CTNNA3: variants seen among roughly 807,000 people sequenced by gnomAD.
CTNNA3 encodes catenin alpha-3.
CTNNA3 carries 76 observed loss-of-function variants against 95.7 expected under a neutral mutation model. The observed-to-expected ratio is 0.79, with a 90% confidence interval of 0.66 to 0.96. The LOEUF (loss-of-function observed/expected upper bound fraction) is 0.96, where lower values mean the gene tolerates loss of function less well. Among genes scored for constraint, CTNNA3 ranks in the 40% least tolerant of loss-of-function variants. CTNNA3 has a pLI of 0.00. For synonymous variants in CTNNA3, 431 were observed against 374.4 expected (o/e 1.15, Z -1.74); for missense variants, 1,191 against 1,089.8 (o/e 1.09, Z -1.31).
At chr10:66,992,665 T>C (rs1258893039) in intron 7 of CTNNA3, among the ~76,000 whole-genome samples, 4 of 152,162 alleles carry the variant, frequency 2.6e-5, no homozygotes, top group Admixed American at 6.5e-5. Flanking sequence ...TTAAATGTTC[T>C]TATCACAGTT....
chr10:67,702,539 C>T (rs961467578), intron 1 of CTNNA3, among the ~76,000 whole-genome samples: 15 of 152,184 alleles, frequency 9.9e-5, no homozygotes, highest in East Asian at 5.8e-4. Context: ...GGGTACATAA[C>T]GAAATGAAGG....
intron 7 of CTNNA3, among the ~76,000 whole-genome samples, chr10:67,110,076 A>G (rs997506327): frequency 6.6e-6 from 1 of 152,164 alleles, no homozygotes; most frequent in Non-Finnish European, 1.5e-5. Flanking sequence ...TTATTTCTCA[A>G]AAGTATAAAT....
chr10:65,988,422 T>C (rs1344084524), intron 16 of CTNNA3, among the ~76,000 whole-genome samples: 1 of 152,162 alleles, frequency 6.6e-6, no homozygotes, highest in African/African-American at 2.4e-5. Context: ...TTACAATTGA[T>C]TAAAATTAAT....
chr10:67,737,489 C>T (rs977115236), intron 1 of CTNNA3, among the ~76,000 whole-genome samples: 40 of 151,930 alleles, frequency 2.6e-4, no homozygotes, highest in Non-Finnish European at 1.2e-4. Context: ...AGGAAAGAAA[C>T]AATAAAGATC....
At chr10:66,427,177 A>G (rs2093249894) in intron 11 of CTNNA3, among the ~76,000 whole-genome samples, 1 of 151,984 alleles carries the variant, frequency 6.6e-6, no homozygotes. Flanking sequence ...ATATCCCTCC[A>G]TAACTGAGAA....
At chr10:67,071,628 T>G (rs1856470751) in intron 7 of CTNNA3, among the ~76,000 whole-genome samples, 2 of 152,162 alleles carry the variant, frequency 1.3e-5, no homozygotes, top group African/African-American at 4.8e-5. Context: ...TTGCTAAACT[T>G]CTTGAACTTG....
intron 15 of CTNNA3, among the ~76,000 whole-genome samples, chr10:66,055,252 G>T (rs1472705589): frequency 6.6e-6 from 1 of 152,058 alleles, no homozygotes; most frequent in South Asian, 2.1e-4. Context: ...TTCTGTTTCT[G>T]TGAAGAATGT....
At chr10:66,626,125 A>G (rs1301477902) in intron 9 of CTNNA3, among the ~76,000 whole-genome samples, 2 of 152,202 alleles carry the variant, frequency 1.3e-5, no homozygotes, top group Non-Finnish European at 2.9e-5. Context: ...ACGTTCTAGT[A>G]TTAAGTTTTA....
intron 15 of CTNNA3, among the ~76,000 whole-genome samples, chr10:66,026,666 C>T (rs1250975502): frequency 6.6e-6 from 1 of 152,074 alleles, no homozygotes; most frequent in Non-Finnish European, 1.5e-5. Context: ...TCTAGAGTTT[C>T]TTCATTTTAA....
At chr10:66,664,501 T>G (rs1846372851) in intron 9 of CTNNA3, among the ~76,000 whole-genome samples, 1 of 152,080 alleles carries the variant, frequency 6.6e-6, no homozygotes, top group Non-Finnish European at 1.5e-5. Flanking sequence ...GTTGTGGGGT[T>G]GGATGAAGCT....
chr10:66,032,878 A>G (rs7919556), intron 15 of CTNNA3, among the ~76,000 whole-genome samples: 61 of 152,246 alleles, frequency 4.0e-4, no homozygotes, highest in African/African-American at 1.4e-3. Flanking sequence ...GTGGTATTCA[A>G]TTTCTAATTT....
At chr10:66,441,102 G>A (rs1014626019) in intron 11 of CTNNA3, among the ~76,000 whole-genome samples, 3 of 152,188 alleles carry the variant, frequency 2.0e-5, no homozygotes, top group East Asian at 3.9e-4. Flanking sequence ...GGAGGCCAAG[G>A]TGGGAGCATT....
chr10:67,697,106 T>G (rs531562138), upstream of CTNNA3, among the ~76,000 whole-genome samples: 1 of 152,202 alleles, frequency 6.6e-6, no homozygotes. Context: ...TGTCAGAGAA[T>G]CAACTATGAA....
chr10:66,306,375 A>G (rs2091934408), intron 12 of CTNNA3, among the ~76,000 whole-genome samples: 1 of 152,152 alleles, frequency 6.6e-6, no homozygotes, highest in African/African-American at 2.4e-5. Flanking sequence ...ACTGCCACAA[A>G]TTTATAGTAT....
chr10:66,159,432 T>A (rs1386618919), intron 13 of CTNNA3, among the ~76,000 whole-genome samples: 1 of 152,128 alleles, frequency 6.6e-6, no homozygotes, highest in Non-Finnish European at 1.5e-5. Context: ...ATTTTTATTT[T>A]TGATTCTGTT....
intron 9 of CTNNA3, among the ~76,000 whole-genome samples, chr10:66,686,842 A>G (rs896026801): frequency 2.0e-5 from 3 of 152,194 alleles, no homozygotes; most frequent in Non-Finnish European, 4.4e-5. Flanking sequence ...CTGAAATTTC[A>G]TGAAGAACAA....
rs1465867906 is a variant in CTNNA3, at chr10:65,916,145, T to C, written c.*4185A>G. 1 of 152,052 alleles carries C rather than the reference T, an allele frequency of 6.6e-6. No individual in the cohort carries two copies. Among genetic ancestry groups the C allele is most frequent in the Admixed American group, 6.6e-5 (1 of 15,248 alleles). 9.4% of individuals were successfully genotyped at this position (152,052 alleles called of 1,614,324 possible). A position where few individuals can be genotyped will look rare whatever the true frequency, so the allele number is the denominator to read the frequency against. ...CATAAAGAAAAAAATGGAATTTTCATATAAATAAAAACAGTAACATCTCAG... is the reference window on the plus strand; with the variant it reads ...CATAAAGAAAAAAATGGAATTTTCACATAAATAAAAACAGTAACATCTCAG... On this transcript the variant is annotated 3_prime_UTR_variant, in exon 18 of 18. Coordinates refer to ENST00000433211, the MANE Select transcript of CTNNA3 (RefSeq NM_013266.4).
intron 5 of CTNNA3, among the ~76,000 whole-genome samples, chr10:67,471,692 G>A (rs540379525): frequency 6.6e-6 from 1 of 152,284 alleles, no homozygotes; most frequent in South Asian, 2.1e-4. Context: ...AGTTAAATCG[G>A]GAGTGGATGT....
chr10:67,639,741 A>G (rs1839457570), intron 2 of CTNNA3, among the ~76,000 whole-genome samples: 1 of 152,198 alleles, frequency 6.6e-6, no homozygotes, highest in African/African-American at 2.4e-5. Context: ...TATAAACAGA[A>G]CCAACGACAA....
Sources: allele counts gnomAD v4.1 joint callset (sites outside exome capture counted in the v4.1 genomes callset), GRCh38; gene constraint gnomAD v4.1.1; transcripts MANE v1.5; gene names NCBI Gene and HGNC (gene_info 2026-07-23, HGNC 2026-07-21).